The following FOCAD variants were observed in gnomAD, a reference collection of about 807,000 sequenced individuals.
FOCAD encodes the protein focadhesin, also known as KIAA1797.
FOCAD carries 198 observed loss-of-function variants against 225.6 expected under a neutral mutation model. The ratio of observed to expected loss-of-function variants is 0.88; its 90% CI spans 0.78 to 0.99. The LOEUF (loss-of-function observed/expected upper bound fraction) is 0.99, where lower values mean the gene tolerates loss of function less well. Ranked by LOEUF, FOCAD falls within the 50% of genes least tolerant of loss-of-function variation. The probability of loss-of-function intolerance (pLI) is 0.00; values close to 1 mark genes in which losing one functional copy is unlikely to be tolerated. For synonymous variants in FOCAD, 897 were observed against 755.0 expected (o/e 1.19, Z -3.08); for missense variants, 2,713 against 2,123.6 (o/e 1.28, Z -5.46).
chr9:20,896,589 C>G (rs1477818451), intron 21 of FOCAD, among the ~76,000 whole-genome samples: 2 of 151,732 alleles, frequency 1.3e-5, no homozygotes, highest in Admixed American at 1.3e-4. Context: ...TGAGTTTTAG[C>G]AGATTGTGTC....
chr9:20,812,941 A>C (rs187171489), intron 11 of FOCAD, among the ~76,000 whole-genome samples: 2 of 152,164 alleles, frequency 1.3e-5, no homozygotes, highest in Admixed American at 6.5e-5. Flanking sequence ...TAAGTATATG[A>C]ATATTTTTGT....
rs182097825 is a variant in FOCAD at position 20,758,122 on chromosome 9, A to T, written c.425A>T (p.Glu142Val). 3 of 1,611,590 alleles carry T rather than the reference A, an allele frequency of 1.9e-6. No homozygotes were observed. In the Admixed American group the frequency reaches 5.0e-5, roughly 27 times the overall value. Residue 142 changes from glutamate (E) to valine (V), a missense_variant, in exon 6 of 44, where the codon GAA becomes GTA. By Grantham distance (121) the Glu-to-Val change is moderately radical. Transcript: ENST00000338382. Reference sequence around the variant, plus strand: ...CCTCATCCTTTGATAACTGTGCTTGAACACAGACCTGATTGCTGGCCAGTG... The same window carrying T: ...CCTCATCCTTTGATAACTGTGCTTGTACACAGACCTGATTGCTGGCCAGTG... ...NHPHPLITVL[E>V]HRPDCWPVFL... is the part of the protein sequence containing the mutation.
At chr9:20,685,750 A>G (rs2131319161) in intron 1 of FOCAD, among the ~76,000 whole-genome samples, 1 of 152,316 alleles carries the variant, frequency 6.6e-6, no homozygotes, top group East Asian at 1.9e-4. Context: ...GCTAATGTTT[A>G]TCAATATTAT....
intron 35 of FOCAD, among the ~76,000 whole-genome samples, chr9:20,970,868 T>A (rs936242114): frequency 6.6e-6 from 1 of 152,206 alleles, no homozygotes; most frequent in Non-Finnish European, 1.5e-5. Flanking sequence ...AAATATATGA[T>A]TTTATGACAT....
chr9:20,691,097 C>A (rs1439105165), intron 1 of FOCAD, among the ~76,000 whole-genome samples: 1 of 152,118 alleles, frequency 6.6e-6, no homozygotes, highest in Non-Finnish European at 1.5e-5. Flanking sequence ...CATGTGCCAC[C>A]ACACCCAGCT....
chr9:20,966,942 A>C (rs1243083185), intron 35 of FOCAD, among the ~76,000 whole-genome samples: 1 of 152,062 alleles, frequency 6.6e-6, no homozygotes, highest in Non-Finnish European at 1.5e-5. Flanking sequence ...CTGTATAGTA[A>C]GATTAGTGTG....
chr9:20,869,363 T>A (rs1419671316), intron 18 of FOCAD, among the ~76,000 whole-genome samples: 1 of 152,164 alleles, frequency 6.6e-6, no homozygotes, highest in East Asian at 1.9e-4. Context: ...ATATAAGATA[T>A]CCTTACAAAT....
intron 15 of FOCAD, among the ~76,000 whole-genome samples, chr9:20,859,556 A>G (rs1482106707): frequency 6.6e-6 from 1 of 150,494 alleles, no homozygotes; most frequent in Non-Finnish European, 1.5e-5. Flanking sequence ...TAGAGAATTA[A>G]TGTCTTTTAT....
At chr9:20,796,740 A>G (rs1471380649) in intron 11 of FOCAD, among the ~76,000 whole-genome samples, 3 of 152,114 alleles carry the variant, frequency 2.0e-5, no homozygotes, top group African/African-American at 7.2e-5. Flanking sequence ...AGTAGATTGC[A>G]AAATTTTTCT....
At chr9:20,987,613 GA>G (rs1841307922) in intron 40 of FOCAD, among the ~76,000 whole-genome samples, 1 of 152,068 alleles carries the variant, frequency 6.6e-6, no homozygotes, top group Non-Finnish European at 1.5e-5. Flanking sequence ...CCTATGATGA[GA>G]AACTGGACTT....
intron 13 of FOCAD, 38 bp downstream of exon 13, chr9:20,820,463 G>T: frequency 6.5e-7 from 1 of 1,534,800 alleles, no homozygotes; most frequent in African/African-American, 1.4e-5. Context: ...TATTAAATAT[G>T]TTCCTTTCAC....
At chr9:20,983,999 C>A (rs891391342) in intron 39 of FOCAD, among the ~76,000 whole-genome samples, 3 of 152,172 alleles carry the variant, frequency 2.0e-5, no homozygotes, top group African/African-American at 7.2e-5. Flanking sequence ...GTTGCTGTTA[C>A]TCGCTTGAGT....
chr9:20,662,989 G>A (rs1821779974), intron 2 of FOCAD, among the ~76,000 whole-genome samples: 1 of 152,164 alleles, frequency 6.6e-6, no homozygotes, highest in Non-Finnish European at 1.5e-5. Flanking sequence ...TAAAGTTACA[G>A]TTTTAACAGT....
chr9:20,658,127 C>G (rs1267290437), upstream of FOCAD, among the ~76,000 whole-genome samples: 22 of 151,330 alleles, frequency 1.5e-4, no homozygotes, highest in South Asian at 4.6e-3. Context: ...AGGAGGCAGT[C>G]TGCCCGTTCT....
intron 27 of FOCAD, among the ~76,000 whole-genome samples, chr9:20,932,756 AATC>A (rs1377657137): frequency 3.3e-5 from 5 of 152,328 alleles, no homozygotes; most frequent in Admixed American, 2.0e-4. Context: ...GGCTAAGAAA[AATC>A]AAAAATAGGA....
rs181736221 is a variant in FOCAD, at chr9:20,868,485, T to C, written c.2190+1473T>C. ...TTCCAATTATGTTTGCAAGAATTTA[T>C]AAGTGCTATACTCAGCCAAGTGTTA... On this transcript the variant is annotated intron_variant, in intron 18 of 43. Coordinates refer to ENST00000338382, the MANE Select transcript of FOCAD (RefSeq NM_001375567.1). Among the ~76,000 whole-genome samples, 8 of 152,248 alleles carry C rather than the reference T, an allele frequency of 5.3e-5. No homozygotes were observed. In the East Asian group the frequency reaches 1.5e-3, roughly 29 times the overall value.
chr9:20,969,262 T>A (rs1290870747), intron 35 of FOCAD, among the ~76,000 whole-genome samples: 1 of 152,168 alleles, frequency 6.6e-6, no homozygotes, highest in East Asian at 1.9e-4. Flanking sequence ...GTGGAACTGT[T>A]CTAGCTATGC....
At chr9:20,772,111 C>A (rs941487228) in intron 8 of FOCAD, among the ~76,000 whole-genome samples, 24 of 152,166 alleles carry the variant, frequency 1.6e-4, no homozygotes, top group Non-Finnish European at 1.5e-4. Context: ...AAGACAGAAT[C>A]AGTAGGGCTT....
chr9:20,778,858 G>A, intron 9 of FOCAD, 90 bp downstream of exon 9: 1 of 602,692 alleles, frequency 1.7e-6, no homozygotes, highest in Non-Finnish European at 2.8e-6. Context: ...GCTATCTTGT[G>A]TATTTTGAGT....
Sources: allele counts gnomAD v4.1 joint callset (sites outside exome capture counted in the v4.1 genomes callset), GRCh38; gene constraint gnomAD v4.1.1; transcripts MANE v1.5; gene names NCBI Gene and HGNC (gene_info 2026-07-23, HGNC 2026-07-21).